The following DHRSX variants were observed in gnomAD, a reference collection of about 807,000 sequenced individuals.
DHRSX encodes the protein polyprenol dehydrogenase.
A neutral mutation model predicts 34.0 loss-of-function variants in DHRSX; 31 were observed. The observed-to-expected ratio is 0.91, with a 90% CI of 0.69 to 1.23. The LOEUF is 1.23. DHRSX is among the 50% of genes most tolerant of loss of function. DHRSX has a pLI of 0.00. For missense variants in DHRSX, 414 were observed against 428.1 expected, an observed-to-expected ratio of 0.97 and a Z score of 0.29; for synonymous variants, 201 against 183.8, an observed-to-expected ratio of 1.09 and a Z score of -0.76.
intron 3 of DHRSX, among the ~76,000 whole-genome samples, chrX:2,368,179 G>A (rs2043016536): frequency 6.6e-6 from 1 of 151,196 alleles, no homozygotes; most frequent in African/African-American, 2.4e-5. Context: ...GGAGGCAGAG[G>A]TTGCAGTGAG....
intron 4 of DHRSX, among the ~76,000 whole-genome samples, chrX:2,272,780 GC>G (rs1258370567): frequency 3.9e-5 from 6 of 152,078 alleles, no homozygotes; most frequent in African/African-American, 1.4e-4. Flanking sequence ...GATAAAGTCA[GC>G]CCCAGCTGCA....
chrX:2,227,037 C>G (rs1480007173), intron 6 of DHRSX, among the ~76,000 whole-genome samples: 1 of 152,036 alleles, frequency 6.6e-6, no homozygotes, highest in Non-Finnish European at 1.5e-5. Flanking sequence ...GAGGCAGCCC[C>G]TTTTCCTCCT....
intron 3 of DHRSX, among the ~76,000 whole-genome samples, chrX:2,373,872 G>C (rs1569495026): frequency 6.6e-6 from 1 of 152,134 alleles, no homozygotes; most frequent in Non-Finnish European, 1.5e-5. Context: ...CAGGAGGAGG[G>C]TTATCCAAAA....
At chrX:2,296,558 T>C (rs111966513) in intron 3 of DHRSX, among the ~76,000 whole-genome samples, 21 of 63,654 alleles carry the variant, frequency 3.3e-4, no homozygotes, top group South Asian at 5.5e-4. Flanking sequence ...CCCAGGCAGA[T>C]AGGAATAGGA....
intron 6 of DHRSX, among the ~76,000 whole-genome samples, chrX:2,242,195 GTTGAT>G (rs1471908254): frequency 6.6e-6 from 1 of 151,998 alleles, no homozygotes; most frequent in Non-Finnish European, 1.5e-5. Flanking sequence ...TATTTTGTGC[GTTGAT>G]TTTTCAGCAA....
chrX:2,405,037 T>A (rs1031408746), intron 3 of DHRSX, among the ~76,000 whole-genome samples: 11 of 152,174 alleles, frequency 7.2e-5, no homozygotes, highest in South Asian at 2.1e-4. Flanking sequence ...ATCACAGGGA[T>A]CCTGCAATGC....
At chrX:2,275,056 T>C (rs1167253330) in intron 4 of DHRSX, among the ~76,000 whole-genome samples, 1 of 152,164 alleles carries the variant, frequency 6.6e-6, no homozygotes, top group Non-Finnish European at 1.5e-5. Context: ...GAGTACTAGT[T>C]AGACAATCGA....
chrX:2,429,962 C>T (rs1407615381), intron 1 of DHRSX, among the ~76,000 whole-genome samples: 1 of 152,108 alleles, frequency 6.6e-6, no homozygotes, highest in Non-Finnish European at 1.5e-5. Flanking sequence ...AGCTTCCATA[C>T]ATACACAAAC....
At chrX:2,319,692 T>C (rs2042284633) in intron 3 of DHRSX, among the ~76,000 whole-genome samples, 1 of 152,050 alleles carries the variant, frequency 6.6e-6, no homozygotes, top group Non-Finnish European at 1.5e-5. Context: ...ACTAATCGAC[T>C]CTATGTTATG....
At chrX:2,404,013 T>C (rs2043522190) in intron 3 of DHRSX, among the ~76,000 whole-genome samples, 1 of 152,160 alleles carries the variant, frequency 6.6e-6, no homozygotes, top group Non-Finnish European at 1.5e-5. Context: ...GGGAACTATA[T>C]ATAGTTTTTA....
chrX:2,399,473 A>G (rs1987530655), intron 3 of DHRSX, among the ~76,000 whole-genome samples: 2 of 150,988 alleles, frequency 1.3e-5, no homozygotes, highest in Admixed American at 6.6e-5. Context: ...TCGGGAGGCC[A>G]AGGCAGGCAG....
At chrX:2,456,631 AC>A (rs2044302080) in intron 1 of DHRSX, among the ~76,000 whole-genome samples, 1 of 146,732 alleles carries the variant, frequency 6.8e-6, no homozygotes, top group Admixed American at 6.9e-5. Flanking sequence ...AAAAAAAAAA[AC>A]AGCTGGATGA....
chrX:2,455,448 T>G (rs1193372657), intron 1 of DHRSX, among the ~76,000 whole-genome samples: 2 of 151,808 alleles, frequency 1.3e-5, no homozygotes, highest in Non-Finnish European at 2.9e-5. Flanking sequence ...CAACCTGAAA[T>G]AAAAGTAAAA....
At chrX:2,328,643 G>A (rs747988886) in intron 3 of DHRSX, among the ~76,000 whole-genome samples, 94 of 152,304 alleles carry the variant, frequency 6.2e-4, no homozygotes, top group African/African-American at 2.1e-3. Context: ...CCAGCAGAGA[G>A]GCCTCAGGAA....
At chrX:2,361,201 C>T (rs1274316202) in intron 3 of DHRSX, among the ~76,000 whole-genome samples, 1 of 152,080 alleles carries the variant, frequency 6.6e-6, no homozygotes, top group Non-Finnish European at 1.5e-5. Context: ...ACCTCCACCT[C>T]CCGGGTTCAA....
intron 1 of DHRSX, among the ~76,000 whole-genome samples, chrX:2,434,530 A>C (rs927234522): frequency 6.6e-6 from 1 of 152,070 alleles, no homozygotes; most frequent in African/African-American, 2.4e-5. Flanking sequence ...AATTAGCCAG[A>C]CGTGGTGATG....
intron 4 of DHRSX, among the ~76,000 whole-genome samples, chrX:2,284,624 T>G (rs1453037380): frequency 6.6e-6 from 1 of 152,208 alleles, no homozygotes; most frequent in African/African-American, 2.4e-5. Context: ...CTGACAAGGA[T>G]AAATCTATAA....
intron 1 of DHRSX, among the ~76,000 whole-genome samples, chrX:2,465,807 C>A (rs912980131): frequency 6.0e-5 from 5 of 82,826 alleles, no homozygotes; most frequent in African/African-American, 8.0e-5. Context: ...AAAACTCCAT[C>A]GCAAAAAAAA....
intron 1 of DHRSX, among the ~76,000 whole-genome samples, chrX:2,437,887 C>T (rs1422162909): frequency 6.6e-6 from 1 of 151,894 alleles, no homozygotes; most frequent in Non-Finnish European, 1.5e-5. Flanking sequence ...AATTAAGAAC[C>T]TTCAGAGTCC....
Sources: allele counts gnomAD v4.1 joint callset (sites outside exome capture counted in the v4.1 genomes callset), GRCh38; gene constraint gnomAD v4.1.1; transcripts MANE v1.5; gene names NCBI Gene and HGNC (gene_info 2026-07-23, HGNC 2026-07-21).